Variants in PCDHGB5 observed in about 807,000 individuals in gnomAD.
The protein encoded by PCDHGB5 is protocadherin gamma subfamily B, 5, also known as protocadherin gamma-B5.
Under a neutral mutation model 62.9 loss-of-function variants are expected in PCDHGB5, and 48 were observed. The ratio of observed to expected loss-of-function variants is 0.76; its 90% CI spans 0.61 to 0.97. The LOEUF is 0.97. Ranked by LOEUF, PCDHGB5 falls within the 50% of genes least tolerant of loss-of-function variation. The pLI, the probability that PCDHGB5 is intolerant of heterozygous loss-of-function variation, is 0.00. For synonymous variants in PCDHGB5, 474 were observed against 511.2 expected (o/e 0.93, Z 0.98); for missense variants, 1,118 against 1,198.6 (o/e 0.93, Z 0.99).
chr5:141,511,485 C>T lies in PCDHGB5; in HGVS notation c.*312C>T, dbSNP rs1324849800. 1.8e-5 allele frequency: 8 copies of T among 453,300 alleles called. No individual in the cohort carries two copies. The highest frequency in any genetic ancestry group is 1.2e-4 in the African/African-American group (6 of 50,332). The allele number at this position is 453,300 out of a possible 1,614,324, so 28.1% of individuals were successfully genotyped here. A position where few individuals can be genotyped will look rare whatever the true frequency, so the allele number is the denominator to read the frequency against. On this transcript the variant is annotated 3_prime_UTR_variant, in exon 4 of 4. Coordinates refer to ENST00000617380, the MANE Select transcript of PCDHGB5 (RefSeq NM_018925.3). Reference sequence around the variant, plus strand: ...ACCCCGTTTAGTTACAGCTGAACTCCTCCATCTTCCAAATCAATCAGGCCC... The same window carrying T: ...ACCCCGTTTAGTTACAGCTGAACTCTTCCATCTTCCAAATCAATCAGGCCC...
intron 1 of PCDHGB5, among the ~76,000 whole-genome samples, chr5:141,453,357 C>T (rs1027586816): frequency 1.3e-5 from 2 of 152,002 alleles, no homozygotes; most frequent in Admixed American, 6.6e-5. Flanking sequence ...TGACCCTGAA[C>T]TCCTGGGGTC....
At chr5:141,417,068 T>C (rs1433034146) in intron 1 of PCDHGB5, 1 of 152,154 alleles carries the variant, frequency 6.6e-6, no homozygotes, top group African/African-American at 2.4e-5. Context: ...ATTGTAGCTA[T>C]TGTGAGAAAA....
In PCDHGB5 at chr5:141,489,911, G is replaced by A; in HGVS notation, c.2398-4896G>A. On this transcript the variant is annotated intron_variant, in intron 1 of 3. Transcript: ENST00000617380. The surrounding 1 kb of genome is among the most constrained non-coding windows in gnomAD (Gnocchi z 4.5). ...GATGGGGGGACCCCAGCCCGCTCAG[G>A]GACCACCCTTATCTCTGTCATCGTG... 3.7e-6 allele frequency: 6 copies of A among 1,614,198 alleles called. No individual in the cohort carries two copies. Among genetic ancestry groups the A allele is most frequent in the Non-Finnish European group, 5.1e-6 (6 of 1,180,042 alleles).
chr5:141,438,901 G>A (rs1039951275), intron 1 of PCDHGB5, among the ~76,000 whole-genome samples: 2 of 151,746 alleles, frequency 1.3e-5, no homozygotes, highest in African/African-American at 2.4e-5. Flanking sequence ...CCTGACCTCA[G>A]GTGATCCACC....
At chr5:141,479,982 C>T (rs368461965) in intron 1 of PCDHGB5, among the ~76,000 whole-genome samples, 1 of 152,192 alleles carries the variant, frequency 6.6e-6, no homozygotes, top group South Asian at 2.1e-4. Flanking sequence ...CTACCATTTA[C>T]CAACTAGGAG....
chr5:141,476,038 G>A lies in PCDHGB5; in HGVS notation c.2398-18769G>A, dbSNP rs1426234941. 1.3e-6 allele frequency: 2 copies of A among 1,484,842 alleles called. No homozygotes were observed. Among genetic ancestry groups the A allele is most frequent in the Non-Finnish European group, 1.8e-6 (2 of 1,118,086 alleles). 92.0% of individuals were successfully genotyped at this position (1,484,842 alleles called of 1,614,324 possible). The stretch of plus-strand genomic sequence containing the variant: ...GTCGGACTCGGCGCCCAGCGCCCAA[G>A]CGCTAACCCGCTGAAAGTTTCTCAG... On this transcript the variant is annotated intron_variant, in intron 1 of 3. Coordinates refer to ENST00000617380, the MANE Select transcript of PCDHGB5 (RefSeq NM_018925.3). The surrounding 1 kb of genome is among the most constrained non-coding windows in gnomAD (Gnocchi z 7.6).
Position 141,486,046 on chromosome 5 carries a change from C to G in PCDHGB5, c.2398-8761C>G. 1.2e-6 allele frequency: 2 copies of G among 1,614,170 alleles called. No individual in the cohort carries two copies. Among genetic ancestry groups the G allele is most frequent in the Non-Finnish European group, 1.7e-6 (2 of 1,180,036 alleles). The stretch of plus-strand genomic sequence containing the variant: ...GTCATACCCCTGATCGTGTAAGAAA[C>G]CTCTTTAGCCTGCACCCCACTACTG... On this transcript the variant is annotated intron_variant, in intron 1 of 3. Coordinates refer to ENST00000617380, the MANE Select transcript of PCDHGB5 (RefSeq NM_018925.3). This position sits in a 1 kb window ranked among gnomAD's most constrained non-coding sequence, Gnocchi z 5.0.
At chr5:141,419,117 G>A (rs1362880648) in intron 1 of PCDHGB5, 2 of 1,613,836 alleles carry the variant, frequency 1.2e-6, no homozygotes, top group Non-Finnish European at 1.7e-6. Flanking sequence ...AGAGTACAAC[G>A]TCACCATCGC....
chr5:141,457,058 T>C (rs756862311), intron 1 of PCDHGB5, among the ~76,000 whole-genome samples: 1 of 152,230 alleles, frequency 6.6e-6, no homozygotes, highest in South Asian at 2.1e-4. Flanking sequence ...TCATGCTTCC[T>C]TTTTGCCAGT....
intron 1 of PCDHGB5, chr5:141,419,895 C>G (rs1209315374): frequency 6.2e-7 from 1 of 1,613,916 alleles, no homozygotes; most frequent in Non-Finnish European, 8.5e-7. Context: ...AGCGACCATC[C>G]CACACCCTCT....
In PCDHGB5 at chr5:141,431,819, A is replaced by C. The variant is rs2097420237; in HGVS notation, c.2397+31295A>C. On this transcript the variant is annotated intron_variant, in intron 1 of 3. Transcript: ENST00000617380. The surrounding 1 kb of genome is among the most constrained non-coding windows in gnomAD (Gnocchi z 4.8). ...AGAAGTGGTCCTCACCTCTCTCGCC[A>C]GCTCGGTTCCCGAAAACTCTCCCAG... 6.2e-7 allele frequency: 1 copy of C among 1,614,154 alleles called. No individual in the cohort carries two copies. Among genetic ancestry groups the C allele is most frequent in the Admixed American group, 1.7e-5 (1 of 60,018 alleles).
At chr5:141,452,528 A>T (rs1592223895) in intron 1 of PCDHGB5, among the ~76,000 whole-genome samples, 1 of 152,206 alleles carries the variant, frequency 6.6e-6, no homozygotes, top group African/African-American at 2.4e-5. Flanking sequence ...CAAAATCGTG[A>T]GTTCATATTG....
chr5:141,405,467 T>G lies in PCDHGB5; in HGVS notation c.2397+4943T>G. On this transcript the variant is annotated intron_variant, in intron 1 of 3. Transcript: ENST00000617380. The stretch of plus-strand genomic sequence containing the variant: ...CAGAGTCTTACTCTGTTACCCAGGC[T>G]GGAATGCAGTGGTGTGATCTCGGCT... 3.6e-6 allele frequency: 4 copies of G among 1,103,716 alleles called. No individual in the cohort carries two copies. The South Asian group carries it at 6.1e-5, about 17-fold the overall frequency. 68.4% of individuals were successfully genotyped at this position (1,103,716 alleles called of 1,614,324 possible). A position where few individuals can be genotyped will look rare whatever the true frequency, so the allele number is the denominator to read the frequency against.
At chr5:141,504,594 C>T (rs2099839378) in intron 2 of PCDHGB5, among the ~76,000 whole-genome samples, 2 of 140,288 alleles carry the variant, frequency 1.4e-5, no homozygotes, top group South Asian at 4.4e-4. Context: ...GGATTCACAG[C>T]AAGAGGGAAC....
rs1452697214 is a variant in PCDHGB5 at position 141,476,552 on chromosome 5, G to T, written c.2398-18255G>T. ...CCAGGAAATGAAATTGGAGATTAGC[G>T]AGGCCGTGGCTCCGGGGACGCGCTT... On this transcript the variant is annotated intron_variant, in intron 1 of 3. Transcript: ENST00000617380. The surrounding 1 kb of genome is among the most constrained non-coding windows in gnomAD (Gnocchi z 7.6). 6.2e-7 allele frequency: 1 copy of T among 1,614,210 alleles called. No individual in the cohort carries two copies. The highest frequency in any genetic ancestry group is 2.2e-5 in the East Asian group (1 of 44,872).
At chr5:141,510,917 C>A in intron 3 of PCDHGB5, 30 bp from the exon 4 acceptor site, 2 of 1,613,854 alleles carry the variant, frequency 1.2e-6, no homozygotes, top group Non-Finnish European at 8.5e-7. Flanking sequence ...CTAAGTTTAG[C>A]TCCCACCTGA....
chr5:141,461,216 T>C (rs1050704259), intron 1 of PCDHGB5, among the ~76,000 whole-genome samples: 2 of 152,168 alleles, frequency 1.3e-5, no homozygotes, highest in African/African-American at 4.8e-5. Flanking sequence ...ATCTCCATAC[T>C]GTTTTCCATA....
chr5:141,403,809 A>C (rs1242181843), intron 1 of PCDHGB5: 1 of 1,613,904 alleles, frequency 6.2e-7, no homozygotes, highest in South Asian at 1.1e-5. Flanking sequence ...AAAATTAATG[A>C]AAAACAATCT....
intron 1 of PCDHGB5, among the ~76,000 whole-genome samples, chr5:141,430,226 T>C (rs1331325242): frequency 6.9e-6 from 1 of 144,216 alleles, no homozygotes; most frequent in Admixed American, 7.0e-5. Context: ...ATATGATTTG[T>C]CAAAAAGAGA....
Sources: gnomAD v4.1 joint callset for allele counts (sites outside exome capture counted in the v4.1 genomes callset) on GRCh38, gnomAD v4.1.1 for gene constraint, Gnocchi (gnomAD v3.1) non-coding constraint, MANE v1.5 for transcripts, NCBI Gene and HGNC (gene_info 2026-07-23, HGNC 2026-07-21) for gene names.